The following SLC35F1 variants were observed in gnomAD, a reference collection of about 807,000 sequenced individuals.
SLC35F1 encodes chromosome 6 open reading frame 169.
A neutral mutation model predicts 48.7 loss-of-function variants in SLC35F1; 14 were observed. That is an observed-to-expected ratio of 0.29 (90% CI 0.19 to 0.45). The LOEUF is 0.45. Ranked by LOEUF, SLC35F1 falls within the 20% of genes least tolerant of loss-of-function variation. The pLI is 1.00. For synonymous variants in SLC35F1, 190 were observed against 202.2 expected, an observed-to-expected ratio of 0.94 and a Z score of 0.51; for missense variants, 404 against 500.0, an observed-to-expected ratio of 0.81 and a Z score of 1.83.
chr6:118,193,291 A>C (rs1373367025), intron 2 of SLC35F1, among the ~76,000 whole-genome samples: 1 of 152,198 alleles, frequency 6.6e-6, no homozygotes, highest in Non-Finnish European at 1.5e-5. Context: ...AGCTTTTATA[A>C]GCCTTTACAA....
chr6:118,198,427 C>T (rs558746884), intron 2 of SLC35F1, among the ~76,000 whole-genome samples: 1 of 152,220 alleles, frequency 6.6e-6, no homozygotes, highest in East Asian at 1.9e-4. Flanking sequence ...GAGGGGACAA[C>T]AGGCAAACAG....
chr6:117,986,524 G>A lies in SLC35F1; in HGVS notation c.173+78625G>A, dbSNP rs59214870. Among the ~76,000 whole-genome samples the A allele has an allele frequency of 6.1e-3, 931 of 152,254 alleles. 12 individuals are homozygous for A. The highest frequency in any genetic ancestry group is 0.021 in the African/African-American group (884 of 41,548). ...AAGTGCTAGAGCCACCCTGGAAGTT[G>A]GATGTTTGAAACTGAATGTTTGTAA... On this transcript the variant is annotated intron_variant, in intron 1 of 7. Coordinates refer to ENST00000360388, the MANE Select transcript of SLC35F1 (RefSeq NM_001029858.4).
At chr6:117,993,012 A>G (rs1479367478) in intron 1 of SLC35F1, among the ~76,000 whole-genome samples, 2 of 152,232 alleles carry the variant, frequency 1.3e-5, no homozygotes, top group East Asian at 3.9e-4. Flanking sequence ...CCATTCATGC[A>G]AAGAAAGCCA....
At chr6:118,205,578 A>G (rs1458269233) in intron 2 of SLC35F1, among the ~76,000 whole-genome samples, 5 of 152,342 alleles carry the variant, frequency 3.3e-5, no homozygotes, top group Non-Finnish European at 4.4e-5. Flanking sequence ...GTGCCATGCT[A>G]TGGAAAATGG....
At chr6:118,152,620 G>T (rs205967) in intron 1 of SLC35F1, among the ~76,000 whole-genome samples, 150,528 of 152,294 alleles carry the variant, frequency 0.99, 74,397 homozygotes, top group Middle Eastern at 1. Flanking sequence ...CTGAAGTACA[G>T]GGAAGCTATC....
intron 3 of SLC35F1, 95 bp from the exon 4 acceptor site, chr6:118,266,900 G>C: frequency 7.1e-7 from 1 of 1,400,374 alleles, no homozygotes; most frequent in South Asian, 1.3e-5. Flanking sequence ...GGGAAAGGCA[G>C]AACCCTTTCT....
At chr6:118,086,069 A>T (rs1772985787) in intron 1 of SLC35F1, among the ~76,000 whole-genome samples, 1 of 152,218 alleles carries the variant, frequency 6.6e-6, no homozygotes, top group Non-Finnish European at 1.5e-5. Context: ...TCAGACATGC[A>T]AGAAAATGCT....
intron 3 of SLC35F1, among the ~76,000 whole-genome samples, chr6:118,240,602 C>T (rs73525896): frequency 0.023 from 3,559 of 152,228 alleles, 148 homozygotes; most frequent in African/African-American, 0.08. Context: ...AATAACCAAA[C>T]GAATGAAGAC....
chr6:118,264,592 T>C (rs1775749865), intron 3 of SLC35F1, among the ~76,000 whole-genome samples: 1 of 152,174 alleles, frequency 6.6e-6, no homozygotes, highest in Non-Finnish European at 1.5e-5. Context: ...ACCTAAAAGC[T>C]CACTTCAGCT....
chr6:118,197,114 A>G (rs1437165649), intron 2 of SLC35F1, among the ~76,000 whole-genome samples: 1 of 152,144 alleles, frequency 6.6e-6, no homozygotes, highest in Non-Finnish European at 1.5e-5. Context: ...CAAGTTTTAC[A>G]CCATAAATAT....
chr6:118,273,766 G>A (rs933975988), intron 4 of SLC35F1, among the ~76,000 whole-genome samples: 1 of 152,036 alleles, frequency 6.6e-6, no homozygotes, highest in Non-Finnish European at 1.5e-5. Flanking sequence ...TCATCTCCTG[G>A]GCAGTGATGC....
chr6:118,274,080 C>G (rs975577501), intron 4 of SLC35F1, among the ~76,000 whole-genome samples: 1 of 152,198 alleles, frequency 6.6e-6, no homozygotes, highest in Non-Finnish European at 1.5e-5. Context: ...AACCCAGGCT[C>G]ATCGGGGAAT....
At position 117,907,281 on chromosome 6, in the gene SLC35F1, G is replaced by C. The variant is rs1775696190; in HGVS notation, c.-446G>C. On this transcript the variant is annotated 5_prime_UTR_variant, in exon 1 of 8. Transcript: ENST00000360388. ...CGTGAGACACAGACGGTAGCTTTCCGACCGAGCGGGGCACAGGCTGAGGCG... is the reference window on the plus strand; with the variant it reads ...CGTGAGACACAGACGGTAGCTTTCCCACCGAGCGGGGCACAGGCTGAGGCG... 6.6e-6 allele frequency among the ~76,000 whole-genome samples: 1 copy of C among 150,428 alleles called. No homozygotes were observed. The highest frequency in any genetic ancestry group is 1.5e-5 in the Non-Finnish European group (1 of 67,630).
intron 1 of SLC35F1, among the ~76,000 whole-genome samples, chr6:118,085,391 A>G (rs150778940): frequency 1.2e-3 from 175 of 151,702 alleles, no homozygotes; most frequent in African/African-American, 3.9e-3. Context: ...ATTCATTAGT[A>G]ATGTCCTTTG....
At chr6:118,053,682 G>A (rs145322770) in intron 1 of SLC35F1, among the ~76,000 whole-genome samples, 1 of 152,154 alleles carries the variant, frequency 6.6e-6, no homozygotes, top group African/African-American at 2.4e-5. Context: ...AATTTTAAAT[G>A]GCTGCATTAT....
At chr6:118,220,213 A>G (rs1044229071) in intron 2 of SLC35F1, among the ~76,000 whole-genome samples, 102 of 152,182 alleles carry the variant, frequency 6.7e-4, no homozygotes, top group Non-Finnish European at 1.9e-4. Context: ...AAAAGAAAAT[A>G]TATCAGAAAG....
At chr6:118,257,091 C>T (rs960775533) in intron 3 of SLC35F1, among the ~76,000 whole-genome samples, 4 of 152,114 alleles carry the variant, frequency 2.6e-5, no homozygotes, top group Non-Finnish European at 5.9e-5. Flanking sequence ...TCCTGTCCTT[C>T]CCATGATACC....
Position 118,278,051 on chromosome 6 carries a change from A to G in SLC35F1, c.847+505A>G, listed in dbSNP as rs17079938. On this transcript the variant is annotated intron_variant, in intron 6 of 7. Coordinates refer to ENST00000360388, the MANE Select transcript of SLC35F1 (RefSeq NM_001029858.4). ...GAAAGAAATGGTTAATTGGTCTCCA[A>G]ATGGATTTAGAAAATACCAGACACG... Among the ~76,000 whole-genome samples, 1,516 of 152,344 alleles carry G rather than the reference A, an allele frequency of 1.0e-2. 27 individuals are homozygous for G. Among genetic ancestry groups the G allele is most frequent in the African/African-American group, 0.035 (1,440 of 41,582 alleles).
At chr6:117,950,113 G>A (rs751735687) in intron 1 of SLC35F1, among the ~76,000 whole-genome samples, 4 of 152,136 alleles carry the variant, frequency 2.6e-5, no homozygotes, top group Non-Finnish European at 5.9e-5. Context: ...TCTTTGGGGT[G>A]TTGTTTCTGG....
Sources: gnomAD v4.1 joint callset for allele counts (sites outside exome capture counted in the v4.1 genomes callset) on GRCh38, gnomAD v4.1.1 for gene constraint, MANE v1.5 for transcripts, NCBI Gene and HGNC (gene_info 2026-07-23, HGNC 2026-07-21) for gene names.